USH2A: variants seen among roughly 807,000 people sequenced by gnomAD.
The protein encoded by USH2A is Usher syndrome 2A (autosomal recessive, mild).
Under a neutral mutation model 538.9 loss-of-function variants are expected in USH2A, and 443 were observed. The ratio of observed to expected loss-of-function variants is 0.82; its 90% confidence interval spans 0.76 to 0.89. The LOEUF (loss-of-function observed/expected upper bound fraction) is 0.89. Among genes scored for constraint, USH2A ranks in the 40% least tolerant of loss-of-function variants. The pLI is 0.00. For missense variants in USH2A, 6,633 were observed against 6,324.8 expected, an observed-to-expected ratio of 1.05 and a Z score of -1.65; for synonymous variants, 2,413 against 2,273.5, an observed-to-expected ratio of 1.06 and a Z score of -1.75.
intron 32 of USH2A, among the ~76,000 whole-genome samples, chr1:216,003,069 C>T (rs532269675): frequency 2.6e-5 from 4 of 151,990 alleles, no homozygotes; most frequent in African/African-American, 7.3e-5. Flanking sequence ...TATCCGTGCC[C>T]GGATTCTTCC....
intron 49 of USH2A, among the ~76,000 whole-genome samples, chr1:215,801,229 G>T (rs1345923895): frequency 6.6e-6 from 1 of 151,838 alleles, no homozygotes; most frequent in Non-Finnish European, 1.5e-5. Context: ...TCAGAAACAA[G>T]AAAAGGTTGC....
intron 32 of USH2A, among the ~76,000 whole-genome samples, chr1:216,022,633 A>G (rs949420452): frequency 2.0e-5 from 3 of 152,190 alleles, no homozygotes; most frequent in African/African-American, 7.2e-5. Flanking sequence ...GAGGCAAGGA[A>G]GAAAGACATT....
rs140810095 is a variant in USH2A at position 215,866,977 on chromosome 1, T to C, written c.8845+30A>G. The C allele has an allele frequency of 1.1e-4, 181 of 1,613,984 alleles. No homozygotes were observed. In the East Asian group the frequency reaches 3.9e-3, roughly 34 times the overall value. ...AATATGCTTTTAAAAATACACAAAG[T>C]GTTAACACAGGTATGAGAAGCTTAC... On this transcript the variant is annotated intron_variant, in intron 44 of 71. Transcript: ENST00000307340.
chr1:216,087,895 C>G (rs2032185149), intron 23 of USH2A, among the ~76,000 whole-genome samples: 1 of 152,142 alleles, frequency 6.6e-6, no homozygotes. Context: ...CTCAACAGAG[C>G]AGCTAGTGTG....
chr1:216,012,794 T>C (rs1668608119), intron 32 of USH2A, among the ~76,000 whole-genome samples: 1 of 152,188 alleles, frequency 6.6e-6, no homozygotes, highest in Admixed American at 6.5e-5. Flanking sequence ...TGCTACAAAG[T>C]ACAGCCCATT....
At chr1:216,229,560 T>C (rs938324844) in intron 14 of USH2A, among the ~76,000 whole-genome samples, 1 of 152,110 alleles carries the variant, frequency 6.6e-6, no homozygotes, top group Non-Finnish European at 1.5e-5. Context: ...AGGGATCTGG[T>C]CACCTTAGCC....
intron 4 of USH2A, among the ~76,000 whole-genome samples, chr1:216,342,601 T>C (rs2038095907): frequency 6.6e-6 from 1 of 152,228 alleles, no homozygotes; most frequent in African/African-American, 2.4e-5. Context: ...TTCTCATCAA[T>C]GATAGACTGG....
intron 38 of USH2A, among the ~76,000 whole-genome samples, chr1:215,928,929 C>A (rs1378925738): frequency 6.6e-6 from 1 of 151,866 alleles, no homozygotes; most frequent in African/African-American, 2.4e-5. Context: ...TATTATTGGG[C>A]AAAAATCATA....
intron 13 of USH2A, among the ~76,000 whole-genome samples, chr1:216,245,203 A>C (rs1362566528): frequency 6.6e-6 from 1 of 152,076 alleles, no homozygotes; most frequent in African/African-American, 2.4e-5. Context: ...CTTCTGGGAT[A>C]CTTACCACCT....
intron 64 of USH2A, among the ~76,000 whole-genome samples, chr1:215,661,196 T>C (rs1657425473): frequency 6.6e-6 from 1 of 152,158 alleles, no homozygotes; most frequent in Admixed American, 6.6e-5. Flanking sequence ...AGCTGGTTTT[T>C]CCCCAGATCC....
chr1:216,279,310 A>C (rs2036728011), intron 11 of USH2A, among the ~76,000 whole-genome samples: 1 of 152,108 alleles, frequency 6.6e-6, no homozygotes, highest in African/African-American at 2.4e-5. Flanking sequence ...GGCACAATTC[A>C]AGCCTAACTT....
At chr1:215,948,138 AT>A (rs1666804002) in intron 37 of USH2A, among the ~76,000 whole-genome samples, 1 of 151,968 alleles carries the variant, frequency 6.6e-6, no homozygotes, top group Non-Finnish European at 1.5e-5. Flanking sequence ...TTTGTTCCCA[AT>A]TTCTTATTAG....
At chr1:215,755,043 G>T (rs1204429238) in intron 58 of USH2A, among the ~76,000 whole-genome samples, 2 of 152,106 alleles carry the variant, frequency 1.3e-5, no homozygotes, top group Non-Finnish European at 2.9e-5. Flanking sequence ...GTCAAACATT[G>T]TTCTCCCAGA....
intron 11 of USH2A, among the ~76,000 whole-genome samples, chr1:216,282,120 C>T (rs917328058): frequency 3.3e-5 from 5 of 152,036 alleles, no homozygotes; most frequent in South Asian, 2.1e-4. Flanking sequence ...CAGATATATG[C>T]TGTGCAAATA....
chr1:216,281,592 G>A (rs2036777603), intron 11 of USH2A, among the ~76,000 whole-genome samples: 1 of 152,024 alleles, frequency 6.6e-6, no homozygotes, highest in Admixed American at 6.6e-5. Context: ...ATTCCATTGT[G>A]TGATTATACT....
intron 11 of USH2A, among the ~76,000 whole-genome samples, chr1:216,253,513 C>G (rs1232677510): frequency 6.6e-6 from 1 of 152,134 alleles, no homozygotes; most frequent in African/African-American, 2.4e-5. Flanking sequence ...CTGGAGCGTC[C>G]TTGCCTTTTG....
intron 60 of USH2A, among the ~76,000 whole-genome samples, chr1:215,738,189 T>C (rs1660207738): frequency 6.6e-6 from 1 of 152,070 alleles, no homozygotes; most frequent in Non-Finnish European, 1.5e-5. Context: ...ATTTGCAAGG[T>C]TGCAGATATA....
intron 56 of USH2A, 38 bp from the exon 57 acceptor site, chr1:215,759,881 G>A: frequency 1.2e-6 from 2 of 1,612,110 alleles, no homozygotes; most frequent in Non-Finnish European, 1.7e-6. Flanking sequence ...ATTGTTAGGA[G>A]AAAATAAACA....
At chr1:216,038,337 C>T (rs2030092067) in intron 32 of USH2A, among the ~76,000 whole-genome samples, 1 of 151,990 alleles carries the variant, frequency 6.6e-6, no homozygotes, top group South Asian at 2.1e-4. Context: ...CTGGTAGGGG[C>T]TTGTTTCAGA....
Sources: allele counts gnomAD v4.1 joint callset (sites outside exome capture counted in the v4.1 genomes callset), GRCh38; gene constraint gnomAD v4.1.1; transcripts MANE v1.5; gene names NCBI Gene and HGNC (gene_info 2026-07-23, HGNC 2026-07-21).